The following ABLIM1 variants were observed in gnomAD, a reference collection of about 807,000 sequenced individuals.
The protein encoded by ABLIM1 is actin binding LIM protein 1.
A neutral mutation model predicts 107.0 loss-of-function variants in ABLIM1; 40 were observed. The ratio of observed to expected loss-of-function variants is 0.37; its 90% CI spans 0.29 to 0.49. ABLIM1 has a LOEUF of 0.49. Ranked by LOEUF, ABLIM1 falls within the 20% of genes least tolerant of loss-of-function variation. The pLI is 0.97. For synonymous variants in ABLIM1, 357 were observed against 357.3 expected (o/e 1.00, Z 0.01); for missense variants, 857 against 1,008.5 (o/e 0.85, Z 2.04).
At chr10:114,756,901 C>G (rs1462068372) in intron 1 of ABLIM1, among the ~76,000 whole-genome samples, 1 of 152,186 alleles carries the variant, frequency 6.6e-6, no homozygotes, top group African/African-American at 2.4e-5. Context: ...CGTTGTAGTG[C>G]AACTTCTGCA....
At chr10:114,657,597 C>G (rs1396712044) in intron 1 of ABLIM1, among the ~76,000 whole-genome samples, 2 of 152,176 alleles carry the variant, frequency 1.3e-5, no homozygotes. Flanking sequence ...TCCATCTCCC[C>G]CCTTGAATAT....
chr10:114,480,598 G>C (rs962165173), intron 8 of ABLIM1, among the ~76,000 whole-genome samples: 1 of 152,210 alleles, frequency 6.6e-6, no homozygotes, highest in East Asian at 1.9e-4. Context: ...AAGAAAGCAG[G>C]CAAGGTAGAT....
At chr10:114,694,169 C>T (rs986539193) in intron 1 of ABLIM1, among the ~76,000 whole-genome samples, 2 of 152,192 alleles carry the variant, frequency 1.3e-5, no homozygotes, top group Admixed American at 6.5e-5. Context: ...AGGATGTGAA[C>T]ACACCCTACA....
intron 1 of ABLIM1, among the ~76,000 whole-genome samples, chr10:114,656,617 G>A (rs551617852): frequency 2.6e-5 from 4 of 152,248 alleles, no homozygotes; most frequent in African/African-American, 7.2e-5. Context: ...AAAAAACCTT[G>A]TATATGGATA....
intron 8 of ABLIM1, among the ~76,000 whole-genome samples, chr10:114,484,150 T>C (rs2057819736): frequency 6.6e-6 from 1 of 152,146 alleles, no homozygotes; most frequent in African/African-American, 2.4e-5. Flanking sequence ...TGAATATGAG[T>C]GAAGGGCTCA....
intron 6 of ABLIM1, among the ~76,000 whole-genome samples, chr10:114,528,557 A>G (rs1388984640): frequency 6.6e-6 from 1 of 152,166 alleles, no homozygotes; most frequent in Non-Finnish European, 1.5e-5. Flanking sequence ...ACCTCCATCA[A>G]TGTGTCCTCA....
At chr10:114,562,701 T>C (rs2069935042) in intron 4 of ABLIM1, among the ~76,000 whole-genome samples, 2 of 152,198 alleles carry the variant, frequency 1.3e-5, no homozygotes, top group Non-Finnish European at 2.9e-5. Context: ...AAACTGCATC[T>C]TCATTCAAAC....
At chr10:114,697,180 A>G (rs566915401) in intron 1 of ABLIM1, among the ~76,000 whole-genome samples, 1 of 152,204 alleles carries the variant, frequency 6.6e-6, no homozygotes, top group Non-Finnish European at 1.5e-5. Context: ...AACAATTCTC[A>G]GCCTCACTGT....
intron 1 of ABLIM1, chr10:114,615,565 T>TA (rs2077079323): frequency 2.1e-6 from 1 of 470,902 alleles, no homozygotes; most frequent in African/African-American, 2.0e-5. Flanking sequence ...GCCATTGTAT[T>TA]ACCAGGGTCT....
intron 1 of ABLIM1, among the ~76,000 whole-genome samples, chr10:114,650,520 G>A (rs2079194168): frequency 1.3e-5 from 2 of 152,074 alleles, no homozygotes; most frequent in South Asian, 4.2e-4. Flanking sequence ...AACATTTCAT[G>A]TGAAAATAGT....
At chr10:114,640,292 C>T (rs148917887) in intron 1 of ABLIM1, among the ~76,000 whole-genome samples, 1,819 of 152,238 alleles carry the variant, frequency 0.012, 46 homozygotes, top group African/African-American at 0.042. Flanking sequence ...TTTGGGAGGC[C>T]GAGGTGGGAG....
intron 1 of ABLIM1, among the ~76,000 whole-genome samples, chr10:114,757,089 T>C (rs1443861875): frequency 6.6e-6 from 1 of 152,224 alleles, no homozygotes; most frequent in Non-Finnish European, 1.5e-5. Context: ...TTTGGAATAA[T>C]GTGATTATGG....
chr10:114,563,586 G>A (rs187337823), intron 4 of ABLIM1, among the ~76,000 whole-genome samples: 4 of 152,102 alleles, frequency 2.6e-5, no homozygotes, highest in Admixed American at 2.6e-4. Flanking sequence ...TGTAATCCCA[G>A]CACTTTGGGA....
At chr10:114,622,609 T>C (rs569025369) in intron 1 of ABLIM1, among the ~76,000 whole-genome samples, 24 of 152,094 alleles carry the variant, frequency 1.6e-4, no homozygotes, top group Non-Finnish European at 3.4e-4. Flanking sequence ...ACAACAGAAA[T>C]AAACAGAAGA....
chr10:114,632,637 C>G (rs940211633), intron 1 of ABLIM1: 2 of 985,226 alleles, frequency 2.0e-6, no homozygotes, highest in Non-Finnish European at 2.4e-6. Flanking sequence ...GAGAGACAGC[C>G]GGGGAAGAGG....
chr10:114,648,640 G>A (rs2079105359), intron 1 of ABLIM1, among the ~76,000 whole-genome samples: 1 of 152,216 alleles, frequency 6.6e-6, no homozygotes, highest in African/African-American at 2.4e-5. Context: ...CTACTAAAAT[G>A]CACAGGCTCG....
chr10:114,495,022 C>T (rs1411528681), intron 6 of ABLIM1, among the ~76,000 whole-genome samples: 7 of 152,108 alleles, frequency 4.6e-5, no homozygotes, highest in Non-Finnish European at 1.0e-4. Flanking sequence ...TTTACATCAA[C>T]GAGGACACAC....
intron 1 of ABLIM1, among the ~76,000 whole-genome samples, chr10:114,693,521 T>C (rs1387778736): frequency 6.6e-6 from 1 of 152,170 alleles, no homozygotes; most frequent in Non-Finnish European, 1.5e-5. Flanking sequence ...CTGTCATCCA[T>C]CATAGGGTTC....
At chr10:114,603,619 A>C (rs2076193379) in intron 1 of ABLIM1, among the ~76,000 whole-genome samples, 1 of 151,756 alleles carries the variant, frequency 6.6e-6, no homozygotes, top group African/African-American at 2.4e-5. Context: ...AAGGCCAAAA[A>C]ACCTATCCCT....
Sources: allele counts gnomAD v4.1 joint callset (sites outside exome capture counted in the v4.1 genomes callset), GRCh38; gene constraint gnomAD v4.1.1; transcripts MANE v1.5; gene names NCBI Gene and HGNC (gene_info 2026-07-23, HGNC 2026-07-21).